Variants in SLCO2A1 observed in about 807,000 individuals in gnomAD.
SLCO2A1 encodes matrin F/G 1.
SLCO2A1 carries 60 observed loss-of-function variants against 71.7 expected under a neutral mutation model. The observed-to-expected ratio is 0.84, with a 90% CI of 0.68 to 1.04. SLCO2A1 has a LOEUF of 1.04. Ranked by LOEUF, SLCO2A1 falls within the 50% of genes least tolerant of loss-of-function variation. The probability of loss-of-function intolerance (pLI) is 0.00; values close to 1 mark genes in which losing one functional copy is unlikely to be tolerated. For missense variants in SLCO2A1, 745 were observed against 813.4 expected, an observed-to-expected ratio of 0.92 and a Z score of 1.02; for synonymous variants, 308 against 326.7, an observed-to-expected ratio of 0.94 and a Z score of 0.62.
chr3:133,979,765 A>C, intron 1 of SLCO2A1, 147 bp from the exon 2 acceptor site: 1 of 830,696 alleles, frequency 1.2e-6, no homozygotes, highest in Non-Finnish European at 1.8e-6. Flanking sequence ...CCAGGATGAA[A>C]CGTCATCATT....
At chr3:134,003,208 T>A (rs987887515) in intron 1 of SLCO2A1, among the ~76,000 whole-genome samples, 1 of 152,246 alleles carries the variant, frequency 6.6e-6, no homozygotes, top group Admixed American at 6.5e-5. Context: ...CATCTTTAGA[T>A]GAGGAAAGAT....
At chr3:134,012,911 G>T (rs961347401) in intron 1 of SLCO2A1, among the ~76,000 whole-genome samples, 1 of 152,230 alleles carries the variant, frequency 6.6e-6, no homozygotes, top group African/African-American at 2.4e-5. Context: ...AAGGGAGGCA[G>T]TGAGGTGACC....
intron 1 of SLCO2A1, chr3:133,998,635 C>A (rs1202950565): frequency 2.0e-5 from 3 of 152,282 alleles, no homozygotes; most frequent in Admixed American, 2.0e-4. Flanking sequence ...TTCCTTTTCC[C>A]CGTAAGTCAA....
intron 1 of SLCO2A1, among the ~76,000 whole-genome samples, chr3:134,016,629 G>GT (rs1186088409): frequency 6.6e-6 from 1 of 152,232 alleles, no homozygotes; most frequent in Non-Finnish European, 1.5e-5. Flanking sequence ...CAGTTCAGCA[G>GT]TTTTTTAAAA....
At chr3:134,006,203 T>C (rs1935211636) in intron 1 of SLCO2A1, among the ~76,000 whole-genome samples, 1 of 152,098 alleles carries the variant, frequency 6.6e-6, no homozygotes, top group Non-Finnish European at 1.5e-5. Context: ...GCCTGGCTAA[T>C]TTTTTTATTT....
At chr3:133,937,878 C>T (rs60472899) in intron 12 of SLCO2A1, among the ~76,000 whole-genome samples, 1 of 152,200 alleles carries the variant, frequency 6.6e-6, no homozygotes, top group Non-Finnish European at 1.5e-5. Context: ...GAGAGCACTC[C>T]TGCTGCCTCA....
Position 133,934,391 on chromosome 3 carries a change from T to C in SLCO2A1, c.*322A>G, listed in dbSNP as rs1933213937. 1 of 209,432 alleles carries C rather than the reference T, an allele frequency of 4.8e-6. No individual in the cohort carries two copies. The highest frequency in any genetic ancestry group is 5.6e-5 in the Admixed American group (1 of 18,002). The allele number at this position is 209,432 out of a possible 1,614,324, so 13.0% of individuals were successfully genotyped here. A position where few individuals can be genotyped will look rare whatever the true frequency, so the allele number is the denominator to read the frequency against. On this transcript the variant is annotated 3_prime_UTR_variant, in exon 14 of 14. Coordinates refer to ENST00000310926, the MANE Select transcript of SLCO2A1 (RefSeq NM_005630.3). ...TGTTTAGGATTCCCCCCAGGGCTGG[T>C]GAGGGGCCTGGCTGCCTCAGTGGGC... is the stretch of plus-strand genomic sequence containing the variant.
chr3:134,006,205 T>A (rs1047141347), intron 1 of SLCO2A1, among the ~76,000 whole-genome samples: 2 of 152,070 alleles, frequency 1.3e-5, no homozygotes, highest in African/African-American at 4.8e-5. Flanking sequence ...CTGGCTAATT[T>A]TTTTATTTCT....
intron 1 of SLCO2A1, among the ~76,000 whole-genome samples, chr3:134,009,094 G>T (rs1015159353): frequency 6.6e-6 from 1 of 152,228 alleles, no homozygotes; most frequent in African/African-American, 2.4e-5. Flanking sequence ...CCTGCCAAAG[G>T]AAGCTGGGGC....
chr3:134,017,451 G>A (rs1467386144), intron 1 of SLCO2A1, among the ~76,000 whole-genome samples: 1 of 152,196 alleles, frequency 6.6e-6, no homozygotes, highest in Admixed American at 6.5e-5. Context: ...CCAGGATACA[G>A]ACAGGTGCAG....
At chr3:133,946,141 C>T (rs1933570255) in intron 9 of SLCO2A1, among the ~76,000 whole-genome samples, 1 of 151,826 alleles carries the variant, frequency 6.6e-6, no homozygotes, top group Admixed American at 6.6e-5. Flanking sequence ...AAGTGCCGTA[C>T]AGACTAGGGG....
At chr3:133,974,987 T>C (rs575345913) in intron 2 of SLCO2A1, among the ~76,000 whole-genome samples, 1 of 152,324 alleles carries the variant, frequency 6.6e-6, no homozygotes, top group Admixed American at 6.5e-5. Context: ...TTTGACTCAG[T>C]TGACCATTTC....
chr3:134,020,074 G>A (rs1935539277), intron 1 of SLCO2A1, among the ~76,000 whole-genome samples: 1 of 152,096 alleles, frequency 6.6e-6, no homozygotes. Context: ...GAAAAGCACT[G>A]TGAAAATCCC....
chr3:133,951,812 T>C (rs1274706432), intron 5 of SLCO2A1, among the ~76,000 whole-genome samples: 1 of 152,154 alleles, frequency 6.6e-6, no homozygotes, highest in African/African-American at 2.4e-5. Flanking sequence ...TGCCATTTCA[T>C]TGGTCAATTT....
intron 1 of SLCO2A1, among the ~76,000 whole-genome samples, chr3:134,020,655 C>A (rs1238241019): frequency 6.6e-6 from 1 of 152,054 alleles, no homozygotes; most frequent in African/African-American, 2.4e-5. Flanking sequence ...GCCTGATCAC[C>A]CATGGCGTGC....
At chr3:133,956,496 G>A (rs560453799) in intron 3 of SLCO2A1, among the ~76,000 whole-genome samples, 1 of 152,332 alleles carries the variant, frequency 6.6e-6, no homozygotes, top group Admixed American at 6.5e-5. Context: ...CCAGGAAAAG[G>A]AAAGGAAGCC....
chr3:133,943,593 TC>T (rs1227965545), intron 10 of SLCO2A1, among the ~76,000 whole-genome samples: 1 of 152,352 alleles, frequency 6.6e-6, no homozygotes, highest in East Asian at 1.9e-4. Context: ...AGATTTTTTT[TC>T]TTTATAATTT....
intron 1 of SLCO2A1, among the ~76,000 whole-genome samples, chr3:134,004,346 T>C (rs1005038291): frequency 6.6e-6 from 1 of 152,228 alleles, no homozygotes; most frequent in Non-Finnish European, 1.5e-5. Context: ...TGTTTTGTTT[T>C]TGTTTTAGAC....
intron 11 of SLCO2A1, among the ~76,000 whole-genome samples, chr3:133,941,929 GC>G (rs1933433877): frequency 6.6e-6 from 1 of 152,180 alleles, no homozygotes; most frequent in Admixed American, 6.5e-5. Context: ...GAGCCAGGCA[GC>G]CTGGCTTCAA....
Sources: gnomAD v4.1 joint callset for allele counts (sites outside exome capture counted in the v4.1 genomes callset) on GRCh38, gnomAD v4.1.1 for gene constraint, MANE v1.5 for transcripts, NCBI Gene and HGNC (gene_info 2026-07-23, HGNC 2026-07-21) for gene names.